TMEM47: variants seen among roughly 807,000 people sequenced by gnomAD.
TMEM47 encodes brain cell membrane protein 1.
In TMEM47, 3 loss-of-function variants were observed where a neutral mutation model predicts 12.4. The ratio of observed to expected loss-of-function variants is 0.24; its 90% CI spans 0.11 to 0.63. The LOEUF (loss-of-function observed/expected upper bound fraction) is 0.63. Among genes scored for constraint, TMEM47 ranks in the 20% least tolerant of loss-of-function variants. The pLI, the probability that TMEM47 is intolerant of heterozygous loss-of-function variation, is 0.86. For synonymous variants in TMEM47, 62 were observed against 63.3 expected (o/e 0.98, Z 0.10); for missense variants, 89 against 143.8 (o/e 0.62, Z 1.95).
intron 2 of TMEM47, among the ~76,000 whole-genome samples, chrX:34,634,790 C>A (rs780379032): frequency 9.0e-6 from 1 of 111,655 alleles, no homozygotes; most frequent in African/African-American, 3.3e-5. Flanking sequence ...TCTAGGAAGA[C>A]AAAGCATATT....
rs143682768 is a variant in TMEM47 at position 34,637,352 on chromosome X, T to A, written c.367+1895A>T. On this transcript the variant is annotated intron_variant, in intron 2 of 2. Coordinates refer to ENST00000275954, the MANE Select transcript of TMEM47 (RefSeq NM_031442.4). ...AGAAAAAAAAAAGAAGACAAAATCT[T>A]TATAATCTGTTTGGCTATCTTTATG... Among the ~76,000 whole-genome samples, 890 of 111,010 alleles carry A rather than the reference T, an allele frequency of 8.0e-3. 5 individuals carry two copies. The highest frequency in any genetic ancestry group is 0.028 in the African/African-American group (856 of 30,556).
At position 34,657,037 on chromosome X, in the gene TMEM47, C is replaced by T. The variant is rs1290607769; in HGVS notation, c.-8G>A. Reference sequence around the variant, plus strand: ...GCTGCCCGCCGAAGCCATTCCTGGGCGCCGCTGTCGTCCGCCCCGCCGCAG... The same window carrying T: ...GCTGCCCGCCGAAGCCATTCCTGGGTGCCGCTGTCGTCCGCCCCGCCGCAG... On this transcript the variant is annotated 5_prime_UTR_variant, in exon 1 of 3. Transcript: ENST00000275954. The T allele has an allele frequency of 2.6e-6, 3 of 1,133,746 alleles. No individual in the cohort carries two copies. In the African/African-American group the frequency reaches 5.5e-5, roughly 21 times the overall value. The allele number at this position is 1,133,746 out of a possible 1,213,427, so 93.4% of individuals were successfully genotyped here.
In TMEM47 at chrX:34,630,014, G is replaced by C. The variant is rs184200841; in HGVS notation, c.*299C>G. On this transcript the variant is annotated 3_prime_UTR_variant, in exon 3 of 3. Coordinates refer to ENST00000275954, the MANE Select transcript of TMEM47 (RefSeq NM_031442.4). Reference sequence around the variant, plus strand: ...ATTGAGGCAAATCTCATTCCAACTAGTTTCTCACAATGGTTGCTGTCATAT... The same window carrying C: ...ATTGAGGCAAATCTCATTCCAACTACTTTCTCACAATGGTTGCTGTCATAT... 1.3e-4 allele frequency: 24 copies of C among 185,685 alleles called. No individual in the cohort carries two copies. The highest frequency in any genetic ancestry group is 1.8e-3 in the Middle Eastern group (1 of 552). The allele number at this position is 185,685 out of a possible 1,213,427, so 15.3% of individuals were successfully genotyped here. A position where few individuals can be genotyped will look rare whatever the true frequency, so the allele number is the denominator to read the frequency against.
rs1922125551 is a variant in TMEM47 at position 34,657,063 on chromosome X, G to GC, written c.-35dup. On this transcript the variant is annotated 5_prime_UTR_variant, in exon 1 of 3. Transcript: ENST00000275954. ...GCCGCTGTCGTCCGCCCCGCCGCAGGCGAGGACGCCAGGCGGGTCCGGAGA... is the reference window on the plus strand; with the variant it reads ...GCCGCTGTCGTCCGCCCCGCCGCAGGCCGAGGACGCCAGGCGGGTCCGGAGA... 3.6e-6 allele frequency: 4 copies of GC among 1,121,154 alleles called. No individual in the cohort carries two copies. Among genetic ancestry groups the GC allele is most frequent in the Non-Finnish European group, 4.7e-6 (4 of 849,848 alleles). The allele number at this position is 1,121,154 out of a possible 1,213,427, so 92.4% of individuals were successfully genotyped here.
At chrX:34,632,140 C>A (rs1424724533) in intron 2 of TMEM47, among the ~76,000 whole-genome samples, 1 of 111,273 alleles carries the variant, frequency 9.0e-6, no homozygotes, top group African/African-American at 3.3e-5. Context: ...TACTTTCTTG[C>A]CCTTAACAAA....
At position 34,627,591 on chromosome X, in the gene TMEM47, T is replaced by A. The variant is rs1329780237; in HGVS notation, c.*2722A>T. Reference sequence around the variant, plus strand: ...TATTTATGTCTTTAAAATTTACATGTTGAACTTACAAAAAGCTAAATAATT... The same window carrying A: ...TATTTATGTCTTTAAAATTTACATGATGAACTTACAAAAAGCTAAATAATT... On this transcript the variant is annotated 3_prime_UTR_variant, in exon 3 of 3. Transcript: ENST00000275954. The A allele has an allele frequency of 8.9e-6, 1 of 112,354 alleles. No individual in the cohort carries two copies. Among genetic ancestry groups the A allele is most frequent in the Admixed American group, 9.5e-5 (1 of 10,504 alleles). 9.3% of individuals were successfully genotyped at this position (112,354 alleles called of 1,213,427 possible). A position where few individuals can be genotyped will look rare whatever the true frequency, so the allele number is the denominator to read the frequency against.
chrX:34,647,717 G>A (rs755500806), intron 1 of TMEM47, among the ~76,000 whole-genome samples: 2 of 112,173 alleles, frequency 1.8e-5, no homozygotes, highest in African/African-American at 6.5e-5. Flanking sequence ...TTTAATGTGT[G>A]AGGTTGAAAT....
At chrX:34,634,607 G>A (rs1025887495) in intron 2 of TMEM47, among the ~76,000 whole-genome samples, 1 of 111,919 alleles carries the variant, frequency 8.9e-6, no homozygotes, top group Non-Finnish European at 1.9e-5. Context: ...CAATAGTAGA[G>A]GCATGCATGT....
chrX:34,655,638 T>G (rs913961399), intron 1 of TMEM47, among the ~76,000 whole-genome samples: 1 of 111,924 alleles, frequency 8.9e-6, no homozygotes, highest in Non-Finnish European at 1.9e-5. Context: ...CTTTTTGTGC[T>G]ATTTCAACTT....
At chrX:34,636,526 G>A (rs1353940311) in intron 2 of TMEM47, among the ~76,000 whole-genome samples, 1 of 111,923 alleles carries the variant, frequency 8.9e-6, no homozygotes, top group East Asian at 2.8e-4. Context: ...TAGTTCAAAA[G>A]TAGACAATAA....
At chrX:34,643,355 T>A (rs941170698) in intron 1 of TMEM47, among the ~76,000 whole-genome samples, 9 of 111,048 alleles carry the variant, frequency 8.1e-5, no homozygotes, top group Non-Finnish European at 1.5e-4. Context: ...TGGACAATTT[T>A]ATAGTAATAT....
chrX:34,649,636 T>C lies in TMEM47; in HGVS notation c.226+7168A>G, dbSNP rs749273642. ...AATACCTGTGTGATGAAATAATCTG[T>C]AGAAGAAACCCCGGTGACATGAGTT... On this transcript the variant is annotated intron_variant, in intron 1 of 2. Transcript: ENST00000275954. Among the ~76,000 whole-genome samples the C allele has an allele frequency of 4.5e-5, 5 of 110,920 alleles. No homozygotes were observed. In the East Asian group the frequency reaches 1.1e-3, roughly 25 times the overall value.
At chrX:34,654,808 T>A (rs1922075684) in intron 1 of TMEM47, among the ~76,000 whole-genome samples, 1 of 112,050 alleles carries the variant, frequency 8.9e-6, no homozygotes, top group Admixed American at 9.5e-5. Flanking sequence ...CTGAAAACTA[T>A]TTTTTTAAGG....
Position 34,656,965 on chromosome X carries a change from A to C in TMEM47, c.65T>G (p.Val22Gly). Residue 22 changes from valine to glycine, a missense_variant, in exon 1 of 3, where the codon GTC (valine) becomes GGC (glycine). Physicochemically the swap from Val to Gly is moderately radical, Grantham distance 109. Transcript: ENST00000275954. ...RVSVLTPLKL[V>G]GLVCIFLALC... ...CGCCAGGAAGATGCACACCAGCCCGACCAGCTTCAAGGGGGTCAGCACCGA... is the reference window on the plus strand; with the variant it reads ...CGCCAGGAAGATGCACACCAGCCCGCCCAGCTTCAAGGGGGTCAGCACCGA... 8.4e-7 allele frequency: 1 copy of C among 1,186,086 alleles called. No individual in the cohort carries two copies.
chrX:34,655,264 G>A (rs73465284), intron 1 of TMEM47, among the ~76,000 whole-genome samples: 29 of 111,913 alleles, frequency 2.6e-4, no homozygotes, highest in Admixed American at 7.6e-4. Context: ...CCAAGGAGTC[G>A]TGCAGTAGCT....
At chrX:34,642,879 A>T (rs769683757) in intron 1 of TMEM47, among the ~76,000 whole-genome samples, 10 of 112,126 alleles carry the variant, frequency 8.9e-5, no homozygotes, top group Non-Finnish European at 1.5e-4. Context: ...CATTATATCC[A>T]TTTGGAATGA....
chrX:34,652,805 C>T (rs996643776), intron 1 of TMEM47, among the ~76,000 whole-genome samples: 5 of 111,843 alleles, frequency 4.5e-5, no homozygotes, highest in Middle Eastern at 4.6e-3. Context: ...CTAGGTTAAA[C>T]AAAACTGCAT....
intron 2 of TMEM47, among the ~76,000 whole-genome samples, chrX:34,630,852 A>G (rs138806282): frequency 0.014 from 1,486 of 110,037 alleles, 23 homozygotes; most frequent in African/African-American, 0.047. Context: ...TTGTGCCACT[A>G]ATAAACCGTA....
intron 1 of TMEM47, among the ~76,000 whole-genome samples, chrX:34,655,275 G>A (rs1454761452): frequency 1.8e-5 from 2 of 111,911 alleles, no homozygotes; most frequent in Non-Finnish European, 3.8e-5. Flanking sequence ...TGCAGTAGCT[G>A]TCATTCCTAC....
Sources: gnomAD v4.1 joint callset for allele counts (sites outside exome capture counted in the v4.1 genomes callset) on GRCh38, gnomAD v4.1.1 for gene constraint, MANE v1.5 for transcripts, NCBI Gene and HGNC (gene_info 2026-07-23, HGNC 2026-07-21) for gene names.